Variants in PTPRD observed in about 807,000 individuals in gnomAD.
The protein encoded by PTPRD is receptor-type tyrosine-protein phosphatase delta.
PTPRD carries 34 observed loss-of-function variants against 214.5 expected under a neutral mutation model. That is an observed-to-expected ratio of 0.16 (90% CI 0.12 to 0.21). The LOEUF is 0.21. PTPRD is among the 10% of genes least tolerant of loss of function. The probability of loss-of-function intolerance (pLI) is 1.00; values close to 1 mark genes in which losing one functional copy is unlikely to be tolerated. For synonymous variants in PTPRD, 1,128 were observed against 845.7 expected (o/e 1.33, Z -5.79); for missense variants, 2,545 against 2,398.7 (o/e 1.06, Z -1.27).
At chr9:8,736,520 C>A (rs147569930) in intron 11 of PTPRD, among the ~76,000 whole-genome samples, 1 of 152,096 alleles carries the variant, frequency 6.6e-6, no homozygotes, top group Non-Finnish European at 1.5e-5. Context: ...ATAACTTGTA[C>A]TTTAAAAAGA....
At chr9:8,446,998 C>T (rs890202019) in intron 34 of PTPRD, among the ~76,000 whole-genome samples, 4 of 152,288 alleles carry the variant, frequency 2.6e-5, no homozygotes, top group African/African-American at 4.8e-5. Context: ...ATATTAACAG[C>T]GGAGTCTATT....
chr9:10,174,537 T>G (rs998315670), intron 3 of PTPRD, among the ~76,000 whole-genome samples: 3 of 152,164 alleles, frequency 2.0e-5, no homozygotes, highest in Non-Finnish European at 2.9e-5. Flanking sequence ...GGTATTTCTT[T>G]TTAGCAACAC....
chr9:9,340,636 G>C (rs1433957821), intron 9 of PTPRD, among the ~76,000 whole-genome samples: 1 of 152,136 alleles, frequency 6.6e-6, no homozygotes, highest in Non-Finnish European at 1.5e-5. Context: ...ATATCTGTTA[G>C]AACTAAAGAG....
rs772305581 is a variant in PTPRD at position 8,449,727 on chromosome 9, G to A, written c.3986C>T (p.Pro1329Leu). The change falls in exon 34 of 46, where the codon CCG becomes CTG. Residue 1329 changes from proline (P) to leucine (L), a missense_variant and splice_region_variant. By Grantham distance (98) the Pro-to-Leu change is moderately conservative. Transcript: ENST00000381196. The part of the protein sequence containing the change: ...VELRRLNFQT[P>L]GMASHPPIPI... ...ATTAGATGTGTGATGCTTCTTACCC[G>A]GTGTTTGAAAGTTAAGGCGCCTCAG... is the stretch of plus-strand genomic sequence containing the variant. The A allele has an allele frequency of 3.5e-5, 57 of 1,613,356 alleles. No individual in the cohort carries two copies. Among genetic ancestry groups the A allele is most frequent in the African/African-American group, 5.3e-5 (4 of 74,862 alleles).
chr9:10,360,508 A>C (rs1056034952), intron 2 of PTPRD, among the ~76,000 whole-genome samples: 1 of 152,194 alleles, frequency 6.6e-6, no homozygotes, highest in Non-Finnish European at 1.5e-5. Flanking sequence ...CACTTTGCAA[A>C]GGCAAAGTAT....
intron 8 of PTPRD, among the ~76,000 whole-genome samples, chr9:9,454,933 T>C (rs563459864): frequency 2.0e-5 from 3 of 151,710 alleles, no homozygotes; most frequent in Admixed American, 2.0e-4. Flanking sequence ...AAATAGAATC[T>C]GTATAATCAT....
chr9:9,927,564 C>G (rs2084782674), intron 5 of PTPRD, among the ~76,000 whole-genome samples: 3 of 152,068 alleles, frequency 2.0e-5, no homozygotes, highest in Admixed American at 2.0e-4. Context: ...CTCTCCTTAT[C>G]TTTTAGCACC....
intron 2 of PTPRD, among the ~76,000 whole-genome samples, chr9:10,464,981 G>A (rs1164069776): frequency 6.6e-6 from 1 of 152,040 alleles, no homozygotes; most frequent in Non-Finnish European, 1.5e-5. Flanking sequence ...AACAAACAAG[G>A]CTATGAATCA....
intron 6 of PTPRD, among the ~76,000 whole-genome samples, chr9:9,759,334 T>A (rs1384100007): frequency 5.9e-5 from 9 of 152,096 alleles, no homozygotes; most frequent in Admixed American, 5.9e-4. Flanking sequence ...CAGCCCCTAG[T>A]GCTCTGGTAG....
chr9:10,473,554 G>A (rs2099044478), intron 2 of PTPRD, among the ~76,000 whole-genome samples: 1 of 152,042 alleles, frequency 6.6e-6, no homozygotes, highest in African/African-American at 2.4e-5. Flanking sequence ...GTGTTTGTAT[G>A]GAATTGTAAC....
chr9:10,403,920 G>A (rs996006521), intron 2 of PTPRD, among the ~76,000 whole-genome samples: 1 of 151,660 alleles, frequency 6.6e-6, no homozygotes, highest in African/African-American at 2.4e-5. Flanking sequence ...TATAAAGGTA[G>A]ATACATGCCA....
intron 3 of PTPRD, among the ~76,000 whole-genome samples, chr9:10,234,439 T>G (rs1038278961): frequency 6.6e-6 from 1 of 151,904 alleles, no homozygotes; most frequent in African/African-American, 2.4e-5. Flanking sequence ...GCATGACATA[T>G]AATTCTATTT....
intron 2 of PTPRD, among the ~76,000 whole-genome samples, chr9:10,439,024 A>T (rs142088671): frequency 1.2e-4 from 18 of 151,794 alleles, no homozygotes; most frequent in African/African-American, 4.3e-4. Flanking sequence ...GCTAAATGGG[A>T]TATTAACAAA....
intron 28 of PTPRD, 50 bp downstream of exon 28, chr9:8,485,712 A>C: frequency 6.8e-7 from 1 of 1,469,862 alleles, no homozygotes; most frequent in Non-Finnish European, 9.2e-7. Flanking sequence ...CTGATTTCCA[A>C]AGACTGACAA....
intron 4 of PTPRD, among the ~76,000 whole-genome samples, chr9:9,983,617 T>C (rs978267194): frequency 6.6e-6 from 1 of 152,202 alleles, no homozygotes. Context: ...TACACTCACA[T>C]ACAAATACAA....
intron 8 of PTPRD, among the ~76,000 whole-genome samples, chr9:9,495,866 A>G (rs894469192): frequency 3.3e-5 from 5 of 152,166 alleles, no homozygotes; most frequent in African/African-American, 1.2e-4. Flanking sequence ...CTGAGCTGCT[A>G]AGATGCCTCC....
intron 3 of PTPRD, among the ~76,000 whole-genome samples, chr9:10,140,077 G>A (rs2098972587): frequency 1.3e-5 from 2 of 151,946 alleles, no homozygotes; most frequent in South Asian, 4.2e-4. Context: ...CAGCAAGAGA[G>A]TTTCTCTTGA....
intron 4 of PTPRD, among the ~76,000 whole-genome samples, chr9:10,017,634 T>C (rs1457162325): frequency 6.6e-6 from 1 of 152,126 alleles, no homozygotes; most frequent in Non-Finnish European, 1.5e-5. Context: ...AATTTTTCCA[T>C]ATGAAAAATC....
Position 9,697,979 on chromosome 9 carries a change from C to A in PTPRD, c.-287+36554G>T, listed in dbSNP as rs2054458515. Among the ~76,000 whole-genome samples the A allele has an allele frequency of 2.0e-5, 3 of 152,110 alleles. No individual in the cohort carries two copies. The South Asian group carries it at 6.2e-4, about 32-fold the overall frequency. ...AGTTCAGCAAACATATTTCTCAGCTCCAGGAATTCTGTTTCAATTTTTAAT... is the reference window on the plus strand; with the variant it reads ...AGTTCAGCAAACATATTTCTCAGCTACAGGAATTCTGTTTCAATTTTTAAT... On this transcript the variant is annotated intron_variant, in intron 7 of 45. Transcript: ENST00000381196.
Sources: allele counts gnomAD v4.1 joint callset (sites outside exome capture counted in the v4.1 genomes callset), GRCh38; gene constraint gnomAD v4.1.1; transcripts MANE v1.5; gene names NCBI Gene and HGNC (gene_info 2026-07-23, HGNC 2026-07-21).